CDH10: variants seen among roughly 807,000 people sequenced by gnomAD.
CDH10 encodes cadherin-10.
In CDH10, 30 loss-of-function variants were observed where a neutral mutation model predicts 73.1. The observed-to-expected ratio is 0.41, with a 90% CI of 0.31 to 0.56. The LOEUF is 0.56. CDH10 is among the 20% of genes least tolerant of loss of function. The probability of loss-of-function intolerance (pLI) is 0.27; values close to 1 mark genes in which losing one functional copy is unlikely to be tolerated. For missense variants in CDH10, 815 were observed against 973.7 expected, an observed-to-expected ratio of 0.84 and a Z score of 2.17; for synonymous variants, 345 against 348.2, an observed-to-expected ratio of 0.99 and a Z score of 0.10.
intron 2 of CDH10, among the ~76,000 whole-genome samples, chr5:24,542,636 T>C (rs1486916063): frequency 6.6e-6 from 1 of 152,188 alleles, no homozygotes; most frequent in Non-Finnish European, 1.5e-5. Context: ...GTTGAAGCTA[T>C]GCATGATTGG....
At chr5:24,529,334 G>T (rs1743642175) in intron 5 of CDH10, among the ~76,000 whole-genome samples, 1 of 151,898 alleles carries the variant, frequency 6.6e-6, no homozygotes, top group Non-Finnish European at 1.5e-5. Flanking sequence ...ATAATCTTTA[G>T]TGTTAATTTG....
chr5:24,534,999 A>C, intron 5 of CDH10, 113 bp downstream of exon 5: 1 of 944,430 alleles, frequency 1.1e-6, no homozygotes, highest in Non-Finnish European at 1.6e-6. Flanking sequence ...CATTTTCAAT[A>C]TGTTTTAAAT....
chr5:24,531,091 T>A (rs1264092145), intron 5 of CDH10, among the ~76,000 whole-genome samples: 5 of 152,114 alleles, frequency 3.3e-5, no homozygotes, highest in Non-Finnish European at 7.4e-5. Flanking sequence ...ATTTCCCACA[T>A]GCTGATCTTT....
At chr5:24,544,299 A>C (rs1381557762) in intron 2 of CDH10, among the ~76,000 whole-genome samples, 1 of 152,180 alleles carries the variant, frequency 6.6e-6, no homozygotes, top group Non-Finnish European at 1.5e-5. Flanking sequence ...TCTCAGCAAC[A>C]ACAACAAAAA....
intron 2 of CDH10, among the ~76,000 whole-genome samples, chr5:24,562,387 T>C (rs183662620): frequency 2.1e-3 from 316 of 152,130 alleles, no homozygotes; most frequent in Middle Eastern, 0.01. Flanking sequence ...AATTACAGAG[T>C]CTAATGGTGT....
At chr5:24,643,182 G>T (rs12520187) in intron 1 of CDH10, among the ~76,000 whole-genome samples, 2 of 151,750 alleles carry the variant, frequency 1.3e-5, no homozygotes, top group Non-Finnish European at 2.9e-5. Flanking sequence ...TACACTCGGG[G>T]GAGCGGGGTG....
intron 1 of CDH10, among the ~76,000 whole-genome samples, chr5:24,622,988 G>C (rs935876276): frequency 6.6e-6 from 1 of 152,206 alleles, no homozygotes; most frequent in Non-Finnish European, 1.5e-5. Context: ...ACTTTCTAGG[G>C]CACATAAAAC....
In CDH10 at chr5:24,511,539, G is replaced by GAGAGAC. The variant is rs762877626; in HGVS notation, c.815-31_815-26dup. 304 of 816,534 alleles carry GAGAGAC rather than the reference G, an allele frequency of 3.7e-4. 3 individuals are homozygous for GAGAGAC. In the African/African-American group the frequency reaches 6.1e-3, roughly 16 times the overall value. 50.6% of individuals were successfully genotyped at this position (816,534 alleles called of 1,614,324 possible). On this transcript the variant is annotated intron_variant, in intron 5 of 11. Coordinates refer to ENST00000264463, the MANE Select transcript of CDH10 (RefSeq NM_006727.5). ...TCTGTAAAGTATAAAGAAAAGAAGA[G>GAGAGAC]AGAGACAGAGAGAGAGAGAGAGAGA...
At chr5:24,640,322 A>G (rs1277284923) in intron 1 of CDH10, among the ~76,000 whole-genome samples, 1 of 151,590 alleles carries the variant, frequency 6.6e-6, no homozygotes, top group Non-Finnish European at 1.5e-5. Context: ...AGAGAGAGAG[A>G]GGGAGAAGAT....
rs778995281 is a variant in CDH10, at chr5:24,487,948, C to G, written c.2082G>C (p.Thr694=). Residue 694 remains threonine (T), a synonymous_variant, in exon 12 of 12, where the codon ACG becomes ACC. Transcript: ENST00000264463. ...TAGGAGTCCTCCGAGGAATAAATAA[C>G]GTTTCTGGAATAATATCTCGCCGGA... ...KKLRRDIIPE[T]LFIPRRTPTA... 1.2e-6 allele frequency: 2 copies of G among 1,613,884 alleles called. No homozygotes were observed. Among genetic ancestry groups the G allele is most frequent in the Non-Finnish European group, 1.7e-6 (2 of 1,179,916 alleles).
At position 24,593,465 on chromosome 5, in the gene CDH10, A is replaced by G. The variant is rs1196609462; in HGVS notation, c.26T>C (p.Leu9Pro). 2 of 1,604,230 alleles carry G rather than the reference A, an allele frequency of 1.2e-6. No individual in the cohort carries two copies. The highest frequency in any genetic ancestry group is 1.7e-6 in the Non-Finnish European group (2 of 1,171,304). Residue 9 changes from leucine (L) to proline (P), a missense_variant, in exon 2 of 12, where the codon CTG becomes CCG. Leu to Pro is a moderately conservative substitution (Grantham distance 98, BLOSUM62 -3). Transcript: ENST00000264463. MTIHQFLLLFLFWVCLPHF... is the reference protein window; with the variant it reads MTIHQFLLPFLFWVCLPHF... ...TGGCAGGCATACCCAGAATAGAAAC[A>G]GTAGCAAAAATTGATGTATTGTCAT...
chr5:24,529,959 C>T (rs892074678), intron 5 of CDH10, among the ~76,000 whole-genome samples: 1 of 151,596 alleles, frequency 6.6e-6, no homozygotes, highest in African/African-American at 2.4e-5. Flanking sequence ...TGACTTTTGT[C>T]CCTGTGATGG....
chr5:24,561,323 A>G (rs1313338481), intron 2 of CDH10, among the ~76,000 whole-genome samples: 2 of 152,166 alleles, frequency 1.3e-5, no homozygotes, highest in African/African-American at 4.8e-5. Context: ...ATTTGGTATT[A>G]ATTTGAGTTT....
At chr5:24,620,057 T>C (rs979354026) in intron 1 of CDH10, among the ~76,000 whole-genome samples, 10 of 152,228 alleles carry the variant, frequency 6.6e-5, no homozygotes, top group Non-Finnish European at 1.3e-4. Flanking sequence ...AAATGATATA[T>C]ATTTACACAC....
intron 1 of CDH10, among the ~76,000 whole-genome samples, chr5:24,640,283 T>C (rs561011241): frequency 6.6e-6 from 1 of 151,540 alleles, no homozygotes; most frequent in African/African-American, 2.4e-5. Context: ...GAAATAGATA[T>C]AGATTTGCAG....
chr5:24,540,700 G>A (rs1034579663), intron 2 of CDH10, among the ~76,000 whole-genome samples: 3 of 151,872 alleles, frequency 2.0e-5, no homozygotes, highest in Non-Finnish European at 2.9e-5. Flanking sequence ...ATTACTATAC[G>A]ATTTACTTGA....
chr5:24,604,059 A>G (rs1746663540), intron 1 of CDH10, among the ~76,000 whole-genome samples: 1 of 152,132 alleles, frequency 6.6e-6, no homozygotes, highest in Admixed American at 6.5e-5. Flanking sequence ...TAAAAATAAA[A>G]ATTAAAAATG....
intron 1 of CDH10, among the ~76,000 whole-genome samples, chr5:24,625,521 A>T (rs1747461803): frequency 1.3e-5 from 2 of 148,946 alleles, no homozygotes; most frequent in Admixed American, 1.4e-4. Flanking sequence ...GCGAGATCTG[A>T]CTGAGATCAA....
At chr5:24,493,810 C>A (rs150732962) in intron 9 of CDH10, among the ~76,000 whole-genome samples, 2 of 151,850 alleles carry the variant, frequency 1.3e-5, no homozygotes, top group Non-Finnish European at 3.0e-5. Flanking sequence ...AAGCAATACA[C>A]TTTTTACTGC....
Sources: gnomAD v4.1 joint callset for allele counts (sites outside exome capture counted in the v4.1 genomes callset) on GRCh38, gnomAD v4.1.1 for gene constraint, MANE v1.5 for transcripts, NCBI Gene and HGNC (gene_info 2026-07-23, HGNC 2026-07-21) for gene names.